The following CHM variants were observed in gnomAD, a reference collection of about 807,000 sequenced individuals.
CHM encodes rab proteins geranylgeranyltransferase component A 1.
A neutral mutation model predicts 49.0 loss-of-function variants in CHM; 10 were observed. The ratio of observed to expected loss-of-function variants is 0.20; its 90% CI spans 0.13 to 0.35. The LOEUF is 0.35. Among genes scored for constraint, CHM ranks in the 10% least tolerant of loss-of-function variants. The pLI, the probability that CHM is intolerant of heterozygous loss-of-function variation, is 1.00. For missense variants in CHM, 455 were observed against 478.4 expected, an observed-to-expected ratio of 0.95 and a Z score of 0.46; for synonymous variants, 184 against 167.5, an observed-to-expected ratio of 1.10 and a Z score of -0.76.
At position 85,897,159 on chromosome X, in the gene CHM, ATATC is replaced by A. The variant is rs1412785220; in HGVS notation, c.1414-2879_1414-2876del. Reference sequence around the variant, plus strand: ...TAAGTATATATAATATATAGCATATATATCTAATATATATATTATATATATACTA... The same window carrying A: ...TAAGTATATATAATATATAGCATATATAATATATATATTATATATATACTA... On this transcript the variant is annotated intron_variant, in intron 11 of 14. Coordinates refer to ENST00000357749, the MANE Select transcript of CHM (RefSeq NM_000390.4). Among the ~76,000 whole-genome samples, 3 of 92,880 alleles carry A rather than the reference ATATC, an allele frequency of 3.2e-5. No homozygotes were observed. In the Admixed American group the frequency reaches 3.8e-4, roughly 12 times the overall value. The allele number at this position is 92,880 out of a possible 115,157, so 80.7% of individuals were successfully genotyped here.
chrX:86,013,745 AG>A (rs939255921), intron 2 of CHM, among the ~76,000 whole-genome samples: 1 of 110,588 alleles, frequency 9.0e-6, no homozygotes, highest in African/African-American at 3.3e-5. Flanking sequence ...AAAAAAAAAA[AG>A]AAAAGAAAAA....
chrX:85,987,164 TA>T (rs1404129638), intron 2 of CHM, among the ~76,000 whole-genome samples: 1 of 111,996 alleles, frequency 8.9e-6, no homozygotes. Context: ...TGGGATTCTG[TA>T]AACAGGCAAA....
chrX:85,988,202 C>T (rs1340825509), intron 2 of CHM, among the ~76,000 whole-genome samples: 1 of 112,245 alleles, frequency 8.9e-6, no homozygotes, highest in African/African-American at 3.2e-5. Context: ...GTTACTTCAA[C>T]ATACATAAAT....
chrX:85,966,347 C>CT (rs1243755734), intron 4 of CHM, among the ~76,000 whole-genome samples: 1 of 87,250 alleles, frequency 1.1e-5, no homozygotes, highest in Non-Finnish European at 2.1e-5. Context: ...AAAACTCCGT[C>CT]TAAAAAAAAA....
chrX:86,019,930 G>A (rs1409262949), intron 2 of CHM, among the ~76,000 whole-genome samples: 3 of 110,766 alleles, frequency 2.7e-5, no homozygotes, highest in African/African-American at 9.9e-5. Flanking sequence ...AACTGTTTTT[G>A]GAAGTAGAGG....
At chrX:86,022,285 CAGAT>C (rs1267929647) in intron 2 of CHM, among the ~76,000 whole-genome samples, 1 of 111,936 alleles carries the variant, frequency 8.9e-6, no homozygotes, top group Non-Finnish European at 1.9e-5. Flanking sequence ...GCAGACATGA[CAGAT>C]AGAGCTGGGG....
chrX:85,867,767 T>G (rs73504265), intron 14 of CHM, among the ~76,000 whole-genome samples: 3,283 of 112,119 alleles, frequency 0.029, 98 homozygotes, highest in African/African-American at 0.1. Context: ...GTAGCTATTT[T>G]CATTATTACT....
At chrX:86,028,798 C>T (rs748307757) in intron 1 of CHM, among the ~76,000 whole-genome samples, 1 of 111,195 alleles carries the variant, frequency 9.0e-6, no homozygotes, top group Non-Finnish European at 1.9e-5. Context: ...AGTGCTACTA[C>T]GAACTCCTTC....
rs1934692491 is a variant in CHM, at chrX:86,047,459, C to G, written c.49+25G>C. ...ACAAGACAGTCTTCCTAAACTTTGTCCAGGAAGCACCAGGCTACACATACC... is the reference window on the plus strand; with the variant it reads ...ACAAGACAGTCTTCCTAAACTTTGTGCAGGAAGCACCAGGCTACACATACC... On this transcript the variant is annotated intron_variant, in intron 1 of 14. Transcript: ENST00000357749. 2.5e-6 allele frequency: 3 copies of G among 1,189,145 alleles called. 1 individual carries two copies.
At chrX:85,880,735 T>C (rs973637898) in intron 12 of CHM, among the ~76,000 whole-genome samples, 7 of 111,827 alleles carry the variant, frequency 6.3e-5, no homozygotes, top group Non-Finnish European at 1.3e-4. Context: ...ATCTCATGAT[T>C]AATGAGTTTT....
intron 12 of CHM, among the ~76,000 whole-genome samples, chrX:85,888,206 G>A (rs1925220332): frequency 8.9e-6 from 1 of 111,802 alleles, no homozygotes; most frequent in African/African-American, 3.2e-5. Context: ...GCTGTGTGAA[G>A]CCTAAGGATG....
intron 2 of CHM, among the ~76,000 whole-genome samples, chrX:86,023,931 T>A (rs1283406710): frequency 8.9e-6 from 1 of 111,762 alleles, no homozygotes; most frequent in Non-Finnish European, 1.9e-5. Context: ...AGACCTATGA[T>A]GTAAGGGCTT....
intron 13 of CHM, 128 bp from the exon 14 acceptor site, chrX:85,873,340 C>T: frequency 2.1e-6 from 1 of 470,931 alleles, no homozygotes; most frequent in African/African-American, 2.5e-5. Context: ...CGTATGTAAA[C>T]ATTTAGTAAA....
At chrX:86,014,068 GTGGGCCATAGT>G (rs1196414056) in intron 2 of CHM, among the ~76,000 whole-genome samples, 1 of 112,148 alleles carries the variant, frequency 8.9e-6, no homozygotes, top group Non-Finnish European at 1.9e-5. Context: ...CAAGTGGCCA[GTGGGCCATAGT>G]TTGCAAACTC....
intron 14 of CHM, among the ~76,000 whole-genome samples, chrX:85,872,411 T>G (rs1924134668): frequency 8.9e-6 from 1 of 111,913 alleles, no homozygotes; most frequent in African/African-American, 3.3e-5. Flanking sequence ...TGGCTCACTT[T>G]TAGCAGCTTG....
chrX:85,891,637 G>A (rs1194048161), intron 12 of CHM, among the ~76,000 whole-genome samples: 1 of 112,620 alleles, frequency 8.9e-6, no homozygotes, highest in Non-Finnish European at 1.9e-5. Flanking sequence ...TGGATGCCCA[G>A]GCAAAAGACT....
chrX:86,003,699 A>G (rs1232341386), intron 2 of CHM, among the ~76,000 whole-genome samples: 1 of 111,927 alleles, frequency 8.9e-6, no homozygotes, highest in Non-Finnish European at 1.9e-5. Flanking sequence ...AAGCAAGAAG[A>G]CAAGGTTAGA....
intron 8 of CHM, among the ~76,000 whole-genome samples, chrX:85,923,522 G>A (rs1384617057): frequency 8.9e-6 from 1 of 112,077 alleles, no homozygotes; most frequent in African/African-American, 3.2e-5. Flanking sequence ...ACAGTTTTAA[G>A]AGAAGTGTTA....
chrX:86,012,523 T>C (rs1339439462), intron 2 of CHM, among the ~76,000 whole-genome samples: 2 of 111,881 alleles, frequency 1.8e-5, no homozygotes, highest in Middle Eastern at 4.6e-3. Context: ...TGGAATGCCA[T>C]GTTGAAACTC....
Sources: gnomAD v4.1 joint callset for allele counts (sites outside exome capture counted in the v4.1 genomes callset) on GRCh38, gnomAD v4.1.1 for gene constraint, MANE v1.5 for transcripts, NCBI Gene and HGNC (gene_info 2026-07-23, HGNC 2026-07-21) for gene names.